THSD4: variants seen among roughly 807,000 people sequenced by gnomAD.
THSD4 encodes thrombospondin type 1 domain containing 4, also known as thrombospondin type-1 domain-containing protein 4.
Under a neutral mutation model 119.0 loss-of-function variants are expected in THSD4, and 69 were observed. That is an observed-to-expected ratio of 0.58 (90% CI 0.48 to 0.71). The LOEUF is 0.71. THSD4 is among the 30% of genes least tolerant of loss of function. The pLI is 0.00. For missense variants in THSD4, 1,393 were observed against 1,391.1 expected (o/e 1.00, Z -0.02); for synonymous variants, 524 against 540.4 (o/e 0.97, Z 0.42).
At chr15:71,587,998 G>T (rs569629639) in intron 7 of THSD4, among the ~76,000 whole-genome samples, 31 of 152,064 alleles carry the variant, frequency 2.0e-4, no homozygotes, top group African/African-American at 7.5e-4. Flanking sequence ...TCATTGTCAA[G>T]AATCTCATTG....
chr15:71,143,028 A>G (rs2040620064), intron 2 of THSD4, among the ~76,000 whole-genome samples: 1 of 152,188 alleles, frequency 6.6e-6, no homozygotes, highest in African/African-American at 2.4e-5. Context: ...TTTAGTATGT[A>G]GTTGCTTGTA....
intron 6 of THSD4, among the ~76,000 whole-genome samples, chr15:71,343,266 T>G (rs2045606455): frequency 1.3e-5 from 2 of 152,264 alleles, no homozygotes; most frequent in Middle Eastern, 3.4e-3. Context: ...TAAAGAGAGA[T>G]AGATGGATAT....
At chr15:71,619,013 A>G (rs1314830054) in intron 7 of THSD4, among the ~76,000 whole-genome samples, 1 of 150,986 alleles carries the variant, frequency 6.6e-6, no homozygotes, top group Non-Finnish European at 1.5e-5. Context: ...CTTGTTGCCC[A>G]GGCTGGAGTG....
intron 6 of THSD4, among the ~76,000 whole-genome samples, chr15:71,301,674 A>G (rs1209954442): frequency 6.6e-6 from 1 of 152,246 alleles, no homozygotes; most frequent in Non-Finnish European, 1.5e-5. Context: ...CTTTTGAGAA[A>G]TAATTTATTT....
intron 8 of THSD4, among the ~76,000 whole-genome samples, 179 bp downstream of exon 8, chr15:71,660,913 G>A (rs750570693): frequency 4.0e-5 from 6 of 151,736 alleles, no homozygotes; most frequent in Non-Finnish European, 7.4e-5. Flanking sequence ...AGTGGAGAAC[G>A]TTAAAAAAAA....
intron 7 of THSD4, among the ~76,000 whole-genome samples, chr15:71,446,705 G>C (rs1276492481): frequency 6.6e-6 from 1 of 152,122 alleles, no homozygotes; most frequent in African/African-American, 2.4e-5. Flanking sequence ...TGTCATCAAG[G>C]ACAAGTTTCT....
In THSD4 at chr15:71,383,562, C is replaced by T. The variant is rs1011787098; in HGVS notation, c.1016-28125C>T. ...CAAATGACTGGATCCTTCCTCTGTT[C>T]CTGGTACAGAGAGGCTGACAACTTT... On this transcript the variant is annotated intron_variant, in intron 6 of 17. Transcript: ENST00000261862. Among the ~76,000 whole-genome samples, 8 of 152,106 alleles carry T rather than the reference C, an allele frequency of 5.3e-5. No homozygotes were observed. The South Asian group carries it at 8.3e-4, about 16-fold the overall frequency.
chr15:71,504,511 G>C (rs1459045537), intron 7 of THSD4, among the ~76,000 whole-genome samples: 7 of 152,192 alleles, frequency 4.6e-5, no homozygotes. Context: ...AATAATTAGA[G>C]AAGGTGGAGA....
At chr15:71,451,577 T>G (rs140167386) in intron 7 of THSD4, among the ~76,000 whole-genome samples, 1 of 152,292 alleles carries the variant, frequency 6.6e-6, no homozygotes, top group East Asian at 1.9e-4. Flanking sequence ...ACTCCTTCAG[T>G]GGACATGATT....
rs974906072 is a variant in THSD4 at position 71,433,120 on chromosome 15, A to G, written c.1152+21297A>G. On this transcript the variant is annotated intron_variant, in intron 7 of 17. Coordinates refer to ENST00000261862, the MANE Select transcript of THSD4 (RefSeq NM_024817.3). The stretch of plus-strand genomic sequence containing the variant: ...TTAGAAACAGCCTTTTCTGTAGAAC[A>G]GTTTTTTAATGTGGAAGACGGCATA... Among the ~76,000 whole-genome samples, 21 of 151,840 alleles carry G rather than the reference A, an allele frequency of 1.4e-4. 1 individual carries two copies. Among genetic ancestry groups the G allele is most frequent in the African/African-American group, 4.8e-4 (20 of 41,534 alleles).
intron 6 of THSD4, among the ~76,000 whole-genome samples, chr15:71,400,144 C>G (rs764129121): frequency 6.6e-6 from 1 of 151,984 alleles, no homozygotes; most frequent in Non-Finnish European, 1.5e-5. Context: ...AAGGACATTG[C>G]CTTTAGAAAT....
intron 7 of THSD4, among the ~76,000 whole-genome samples, chr15:71,574,500 C>T (rs1186556050): frequency 6.6e-6 from 1 of 152,106 alleles, no homozygotes; most frequent in Non-Finnish European, 1.5e-5. Flanking sequence ...AAAAAGGATC[C>T]ATCCTCACCT....
intron 7 of THSD4, among the ~76,000 whole-genome samples, chr15:71,532,283 A>T (rs866437782): frequency 0.011 from 1,155 of 101,636 alleles, 10 homozygotes; most frequent in Non-Finnish European, 0.018. Flanking sequence ...AGAGAGAGAG[A>T]GTGTGTGTGT....
chr15:71,109,855 G>T (rs2040290965), intron 1 of THSD4, among the ~76,000 whole-genome samples: 1 of 152,150 alleles, frequency 6.6e-6, no homozygotes, highest in African/African-American at 2.4e-5. Context: ...GGTGAGTGAG[G>T]CAAGGCAAAG....
Position 71,253,917 on chromosome 15 carries a change from G to A in THSD4, c.913-2696G>A, listed in dbSNP as rs558939024. On this transcript the variant is annotated intron_variant, in intron 5 of 17. Transcript: ENST00000261862. The stretch of plus-strand genomic sequence containing the variant: ...TGGATTGTGGACTCCTTTCCAAGTC[G>A]TGAAACAGACATTTATGTTGTCAAG... Among the ~76,000 whole-genome samples the A allele has an allele frequency of 7.2e-5, 11 of 152,216 alleles. No individual in the cohort carries two copies. The South Asian group carries it at 1.9e-3, about 26-fold the overall frequency.
Position 71,184,410 on chromosome 15 carries a change from A to G in THSD4, c.99+29478A>G, listed in dbSNP as rs191629094. On this transcript the variant is annotated intron_variant, in intron 3 of 17. Transcript: ENST00000261862. ...GCATGGTCCTTGGTCCAGGTTCTCC[A>G]TGCCCCGTGCCCTTGTTAAGAGTTA... is the stretch of plus-strand genomic sequence containing the variant. Among the ~76,000 whole-genome samples, 427 of 151,908 alleles carry G rather than the reference A, an allele frequency of 2.8e-3. 7 individuals are homozygous for G. The highest frequency in any genetic ancestry group is 6.8e-3 in the Middle Eastern group (2 of 294).
intron 7 of THSD4, among the ~76,000 whole-genome samples, chr15:71,618,587 A>G (rs1314225462): frequency 1.3e-5 from 2 of 152,170 alleles, no homozygotes; most frequent in Non-Finnish European, 2.9e-5. Flanking sequence ...TTATTTTATT[A>G]TTAAGAGACA....
At chr15:71,413,749 G>A (rs1350755952) in intron 7 of THSD4, among the ~76,000 whole-genome samples, 1 of 152,252 alleles carries the variant, frequency 6.6e-6, no homozygotes, top group East Asian at 1.9e-4. Context: ...CGGTACAGAA[G>A]AGGCAGGAAA....
intron 7 of THSD4, among the ~76,000 whole-genome samples, chr15:71,588,305 CAAAAA>C (rs66537207): frequency 2.8e-5 from 3 of 108,718 alleles, no homozygotes; most frequent in African/African-American, 3.2e-5. Flanking sequence ...GACTCCGTCT[CAAAAA>C]AAAAAAAAAA....
Sources: allele counts gnomAD v4.1 joint callset (sites outside exome capture counted in the v4.1 genomes callset), GRCh38; gene constraint gnomAD v4.1.1; transcripts MANE v1.5; gene names NCBI Gene and HGNC (gene_info 2026-07-23, HGNC 2026-07-21).